Variants in NWD2 observed in about 807,000 individuals in gnomAD.
The protein encoded by NWD2 is NACHT and WD repeat domain-containing protein 2.
Under a neutral mutation model 132.7 loss-of-function variants are expected in NWD2, and 37 were observed. The ratio of observed to expected loss-of-function variants is 0.28; its 90% CI spans 0.21 to 0.37. The LOEUF is 0.37. Ranked by LOEUF, NWD2 falls within the 10% of genes least tolerant of loss-of-function variation. The pLI, the probability that NWD2 is intolerant of heterozygous loss-of-function variation, is 1.00. For missense variants in NWD2, 1,592 were observed against 2,122.4 expected (o/e 0.75, Z 4.91); for synonymous variants, 705 against 803.0 (o/e 0.88, Z 2.06).
chr4:37,313,458 T>A (rs1718892516), intron 1 of NWD2, among the ~76,000 whole-genome samples: 1 of 151,190 alleles, frequency 6.6e-6, no homozygotes, highest in Non-Finnish European at 1.5e-5. Context: ...TGTATTTCTG[T>A]GGGATCGGTG....
chr4:37,341,993 G>T (rs1719536498), intron 2 of NWD2, among the ~76,000 whole-genome samples: 1 of 152,164 alleles, frequency 6.6e-6, no homozygotes, highest in East Asian at 1.9e-4. Flanking sequence ...AGGACACTCA[G>T]ATACAGTGAT....
intron 1 of NWD2, among the ~76,000 whole-genome samples, chr4:37,313,565 C>T (rs1158687153): frequency 6.6e-6 from 1 of 150,798 alleles, no homozygotes; most frequent in African/African-American, 2.5e-5. Context: ...TTTGTTGATC[C>T]TTTCAAAAAA....
At chr4:37,288,119 A>G (rs370234951) in intron 1 of NWD2, among the ~76,000 whole-genome samples, 112 of 152,256 alleles carry the variant, frequency 7.4e-4, no homozygotes, top group African/African-American at 2.7e-3. Context: ...TTGAGAACAC[A>G]TGGACACAGG....
In NWD2 at chr4:37,443,769, C is replaced by G; in HGVS notation, c.1781C>G (p.Ser594Ter). Residue 594 changes from serine (S) to a stop codon, truncating the protein, a stop_gained, in exon 7 of 7, where the codon TCA becomes TGA. Coordinates refer to ENST00000309447, the MANE Select transcript of NWD2 (RefSeq NM_001144990.2). LOFTEE classifies it high-confidence loss of function. This position sits in a 1 kb window ranked among gnomAD's most constrained non-coding sequence, Gnocchi z 4.1. ...QLLRVKRKVTSGQQIYVNNAL... is the reference protein window; with the variant it reads ...QLLRVKRKVT Reference sequence around the variant, plus strand: ...CTGCGCGTCAAAAGGAAGGTCACATCAGGCCAGCAGATTTATGTGAACAAT... The same window carrying G: ...CTGCGCGTCAAAAGGAAGGTCACATGAGGCCAGCAGATTTATGTGAACAAT... 6.4e-7 allele frequency: 1 copy of G among 1,551,972 alleles called. No individual in the cohort carries two copies. Among genetic ancestry groups the G allele is most frequent in the South Asian group, 1.2e-5 (1 of 84,052 alleles).
At chr4:37,309,460 C>A (rs1396423994) in intron 1 of NWD2, among the ~76,000 whole-genome samples, 1 of 152,120 alleles carries the variant, frequency 6.6e-6, no homozygotes, top group Non-Finnish European at 1.5e-5. Flanking sequence ...CTGTAGCCTT[C>A]TGGATTGGAT....
At chr4:37,350,115 A>G (rs1015074358) in intron 2 of NWD2, among the ~76,000 whole-genome samples, 10 of 152,206 alleles carry the variant, frequency 6.6e-5, no homozygotes, top group Non-Finnish European at 1.2e-4. Flanking sequence ...GAAGTCAGGT[A>G]GTGCAATGCC....
intron 1 of NWD2, among the ~76,000 whole-genome samples, chr4:37,252,171 G>A (rs1484647129): frequency 1.3e-5 from 2 of 152,142 alleles, no homozygotes; most frequent in Non-Finnish European, 2.9e-5. Context: ...ATCTCCACAG[G>A]GAATAGAAAG....
chr4:37,371,042 T>C (rs1315559828), intron 3 of NWD2, among the ~76,000 whole-genome samples: 5 of 151,664 alleles, frequency 3.3e-5, no homozygotes, highest in Non-Finnish European at 5.9e-5. Context: ...AGAAGGCAAA[T>C]TATTTGCCAA....
At chr4:37,326,098 A>C (rs1719168286) in intron 2 of NWD2, 74 bp downstream of exon 2, 1 of 998,906 alleles carries the variant, frequency 1.0e-6, no homozygotes, top group South Asian at 1.6e-5. Flanking sequence ...TCACAACTTG[A>C]GTGTTGTAAA....
In NWD2 at chr4:37,297,754, A is replaced by T. The variant is rs116097001; in HGVS notation, c.152-28182A>T. On this transcript the variant is annotated intron_variant, in intron 1 of 6. Transcript: ENST00000309447. ...TGTAGAATGTCTTCAGTGTGCTTTGATGTTTGTTTATGATTAGATTTAGAT... is the reference window on the plus strand; with the variant it reads ...TGTAGAATGTCTTCAGTGTGCTTTGTTGTTTGTTTATGATTAGATTTAGAT... Among the ~76,000 whole-genome samples, 588 of 152,226 alleles carry T rather than the reference A, an allele frequency of 3.9e-3. 5 individuals are homozygous for T. Among genetic ancestry groups the T allele is most frequent in the African/African-American group, 0.013 (558 of 41,544 alleles).
intron 2 of NWD2, among the ~76,000 whole-genome samples, chr4:37,327,807 A>G (rs761436528): frequency 7.9e-5 from 12 of 152,236 alleles, no homozygotes; most frequent in Non-Finnish European, 1.5e-4. Context: ...AAAAGGTATG[A>G]TGCCAGAAGC....
chr4:37,303,490 A>G (rs1456840516), intron 1 of NWD2, among the ~76,000 whole-genome samples: 1 of 152,164 alleles, frequency 6.6e-6, no homozygotes, highest in African/African-American at 2.4e-5. Flanking sequence ...ATTTCTGTGA[A>G]GAATGTCATT....
intron 2 of NWD2, among the ~76,000 whole-genome samples, chr4:37,344,481 C>A (rs1719590957): frequency 6.6e-6 from 1 of 151,952 alleles, no homozygotes; most frequent in African/African-American, 2.4e-5. Context: ...TGGATGAGGG[C>A]AATACTGGTA....
In NWD2 at chr4:37,403,331, G is replaced by A. The variant is rs571634280; in HGVS notation, c.358-27241G>A. Among the ~76,000 whole-genome samples, 12 of 152,310 alleles carry A rather than the reference G, an allele frequency of 7.9e-5. No individual in the cohort carries two copies. The South Asian group carries it at 2.5e-3, about 32-fold the overall frequency. On this transcript the variant is annotated intron_variant, in intron 3 of 6. Transcript: ENST00000309447. ...GTGATATGGATCAAGGGAACAATAA[G>A]AGAGAGTGTTGTAATAGGTTTTTGA... is the stretch of plus-strand genomic sequence containing the variant.
At chr4:37,347,541 T>C (rs1361652785) in intron 2 of NWD2, among the ~76,000 whole-genome samples, 2 of 152,198 alleles carry the variant, frequency 1.3e-5, no homozygotes, top group African/African-American at 4.8e-5. Flanking sequence ...ATGCCACACA[T>C]CTACAACCAT....
chr4:37,246,044 G>A (rs1482801574), intron 1 of NWD2, among the ~76,000 whole-genome samples: 1 of 152,170 alleles, frequency 6.6e-6, no homozygotes, highest in Non-Finnish European at 1.5e-5. Flanking sequence ...GGGGAGTTGG[G>A]GAAGGAAAGA....
intron 2 of NWD2, among the ~76,000 whole-genome samples, chr4:37,338,817 G>GT (rs971751273): frequency 5.9e-5 from 9 of 152,056 alleles, no homozygotes; most frequent in African/African-American, 2.2e-4. Context: ...ATGTGTTTTT[G>GT]TTTTTTTCTC....
At chr4:37,336,318 G>C (rs920949996) in intron 2 of NWD2, among the ~76,000 whole-genome samples, 1 of 152,104 alleles carries the variant, frequency 6.6e-6, no homozygotes, top group Admixed American at 6.6e-5. Context: ...TATTAATGAG[G>C]CATTTTACAT....
At chr4:37,359,031 G>A (rs151318817) in intron 3 of NWD2, among the ~76,000 whole-genome samples, 21 of 152,214 alleles carry the variant, frequency 1.4e-4, no homozygotes, top group Non-Finnish European at 2.4e-4. Context: ...CAGCTTTACC[G>A]TAATCCAGCC....
Sources: gnomAD v4.1 joint callset for allele counts (sites outside exome capture counted in the v4.1 genomes callset) on GRCh38, gnomAD v4.1.1 for gene constraint, Gnocchi (gnomAD v3.1) non-coding constraint, MANE v1.5 for transcripts, NCBI Gene and HGNC (gene_info 2026-07-23, HGNC 2026-07-21) for gene names.